The following GOLGA5 variants were observed in gnomAD, a reference collection of about 807,000 sequenced individuals.
GOLGA5 encodes the protein golgin subfamily A member 5.
GOLGA5 carries 50 observed loss-of-function variants against 93.5 expected under a neutral mutation model. The ratio of observed to expected loss-of-function variants is 0.53; its 90% CI spans 0.43 to 0.68. The LOEUF (loss-of-function observed/expected upper bound fraction) is 0.68. Ranked by LOEUF, GOLGA5 falls within the 30% of genes least tolerant of loss-of-function variation. GOLGA5 has a pLI of 0.00. For missense variants in GOLGA5, 760 were observed against 856.4 expected (o/e 0.89, Z 1.40); for synonymous variants, 312 against 304.5 (o/e 1.02, Z -0.26).
intron 3 of GOLGA5, 40 bp downstream of exon 3, chr14:92,807,003 T>C: frequency 7.3e-7 from 1 of 1,373,922 alleles, no homozygotes; most frequent in Non-Finnish European, 1.0e-6. Context: ...ATTTAACTTT[T>C]AAAAATAAAC....
chr14:92,803,835 C>T (rs1190886330), intron 2 of GOLGA5, among the ~76,000 whole-genome samples: 1 of 152,122 alleles, frequency 6.6e-6, no homozygotes, highest in East Asian at 1.9e-4. Context: ...GCACTAAATG[C>T]CTGCTTTTTA....
intron 2 of GOLGA5, among the ~76,000 whole-genome samples, chr14:92,802,006 T>C (rs1336466783): frequency 6.6e-6 from 1 of 152,212 alleles, no homozygotes; most frequent in East Asian, 1.9e-4. Flanking sequence ...TTTTGGCTGT[T>C]CATGGACCTT....
intron 5 of GOLGA5, chr14:92,810,603 T>C (rs1885084682): frequency 3.6e-6 from 1 of 281,298 alleles, no homozygotes; most frequent in African/African-American, 2.2e-5. Flanking sequence ...GCATTAGAGA[T>C]ATACATCTTT....
At chr14:92,824,844 T>C (rs1423115982) in intron 9 of GOLGA5, among the ~76,000 whole-genome samples, 200 bp downstream of exon 9, 3 of 152,236 alleles carry the variant, frequency 2.0e-5, no homozygotes, top group African/African-American at 7.2e-5. Flanking sequence ...ATGATTTGCT[T>C]CTTATAGAAG....
intron 10 of GOLGA5, among the ~76,000 whole-genome samples, chr14:92,834,075 A>G (rs1266323844): frequency 6.6e-6 from 1 of 151,482 alleles, no homozygotes; most frequent in Non-Finnish European, 1.5e-5. Flanking sequence ...TAAGTAAATC[A>G]TACTCCTTAA....
intron 2 of GOLGA5, among the ~76,000 whole-genome samples, chr14:92,798,798 C>A (rs1010498067): frequency 2.0e-5 from 3 of 152,160 alleles, no homozygotes; most frequent in Admixed American, 6.5e-5. Context: ...TGCCTGTAGT[C>A]TCAGCTACTT....
At chr14:92,800,027 T>C (rs1255474312) in intron 2 of GOLGA5, among the ~76,000 whole-genome samples, 4 of 152,222 alleles carry the variant, frequency 2.6e-5, no homozygotes, top group Non-Finnish European at 4.4e-5. Flanking sequence ...AGACAAAAAC[T>C]TGTATAGAAG....
intron 4 of GOLGA5, 149 bp downstream of exon 4, chr14:92,809,668 C>CA (rs1480318053): frequency 1.6e-6 from 1 of 640,376 alleles, no homozygotes; most frequent in African/African-American, 1.8e-5. Context: ...AAAATGGATT[C>CA]ATTGGCTGGG....
intron 2 of GOLGA5, among the ~76,000 whole-genome samples, chr14:92,800,014 T>G (rs750852787): frequency 2.0e-5 from 3 of 152,244 alleles, no homozygotes; most frequent in Non-Finnish European, 4.4e-5. Context: ...TCTTGTATTT[T>G]CAAGACAAAA....
chr14:92,819,089 A>G (rs1407848605), intron 7 of GOLGA5, among the ~76,000 whole-genome samples: 1 of 152,228 alleles, frequency 6.6e-6, no homozygotes, highest in Non-Finnish European at 1.5e-5. Flanking sequence ...GGACTAATGC[A>G]GTGAAGTCCT....
chr14:92,839,940 A>C lies in GOLGA5; in HGVS notation c.*494A>C, dbSNP rs2037136433. On this transcript the variant is annotated 3_prime_UTR_variant, in exon 13 of 13. Coordinates refer to ENST00000163416, the MANE Select transcript of GOLGA5 (RefSeq NM_005113.4). ...TTTATAAATACATAAATAAAAGAAA[A>C]ATATGCATTTTTCTTTTCTAAAATA... The C allele has an allele frequency of 6.0e-6, 1 of 168,052 alleles. No homozygotes were observed. The highest frequency in any genetic ancestry group is 1.3e-5 in the Non-Finnish European group (1 of 77,278). 10.4% of individuals were successfully genotyped at this position (168,052 alleles called of 1,614,324 possible).
chr14:92,804,512 C>CCTG (rs1235821770), intron 2 of GOLGA5, among the ~76,000 whole-genome samples: 18 of 152,244 alleles, frequency 1.2e-4, no homozygotes, highest in Admixed American at 3.9e-4. Context: ...ACTTTCTTCA[C>CCTG]CTGCACCCTC....
chr14:92,803,716 A>C (rs532207794), intron 2 of GOLGA5, among the ~76,000 whole-genome samples: 3 of 152,318 alleles, frequency 2.0e-5, no homozygotes, highest in Admixed American at 6.5e-5. Context: ...ACGCAACCAA[A>C]CATTAGTTAT....
At chr14:92,812,374 T>G (rs1319071136) in intron 6 of GOLGA5, among the ~76,000 whole-genome samples, 1 of 152,212 alleles carries the variant, frequency 6.6e-6, no homozygotes, top group Non-Finnish European at 1.5e-5. Flanking sequence ...GCCTTCTGGC[T>G]CAGCTTACTC....
At position 92,819,836 on chromosome 14, in the gene GOLGA5, G is replaced by T; in HGVS notation, c.1620G>T (p.Gln540His). ...ELETELERLK[Q>H]EFHYIEEDLY... ...AGACAGAACTGGAGCGACTGAAGCA[G>T]GTCAGGATTTGAGATTGATGACTTC... Residue 540 changes from glutamine (Q) to histidine (H), a missense_variant and splice_region_variant, in exon 8 of 13, where the codon CAG (glutamine) becomes CAT (histidine). Transcript: ENST00000163416. 6.2e-7 allele frequency: 1 copy of T among 1,613,642 alleles called. No individual in the cohort carries two copies. Among genetic ancestry groups the T allele is most frequent in the Non-Finnish European group, 8.5e-7 (1 of 1,179,768 alleles).
intron 1 of GOLGA5, 146 bp from the exon 2 acceptor site, chr14:92,797,262 T>G: frequency 1.9e-6 from 1 of 528,902 alleles, no homozygotes. Flanking sequence ...CTCAGCCTCA[T>G]TTAAGTAGTT....
rs1375605459 is a variant in GOLGA5 at position 92,816,519 on chromosome 14, C to CTCGCTTCTCTTCGCTTCGCT, written c.1491+111_1491+130dup. On this transcript the variant is annotated intron_variant, in intron 7 of 12. Transcript: ENST00000163416. ...ACAGCATTACTAAAGCGATAGGTTT[C>CTCGCTTCTCTTCGCTTCGCT]TCGCTTCTCTTCGCTTCGCTTCGCT... 9.7e-5 allele frequency: 88 copies of CTCGCTTCTCTTCGCTTCGCT among 903,914 alleles called. 1 individual carries two copies. The highest frequency in any genetic ancestry group is 1.0e-4 in the Admixed American group (4 of 39,838). The allele number at this position is 903,914 out of a possible 1,614,324, so 56.0% of individuals were successfully genotyped here. A position where few individuals can be genotyped will look rare whatever the true frequency, so the allele number is the denominator to read the frequency against.
intron 2 of GOLGA5, 77 bp from the exon 3 acceptor site, chr14:92,806,659 C>T (rs907047126): frequency 3.2e-6 from 3 of 939,216 alleles, no homozygotes; most frequent in Non-Finnish European, 5.1e-6. Flanking sequence ...TCAACTTGAG[C>T]ATCCTACCAA....
chr14:92,834,913 T>G (rs1380622575), intron 10 of GOLGA5, among the ~76,000 whole-genome samples: 1 of 152,080 alleles, frequency 6.6e-6, no homozygotes, highest in Admixed American at 6.6e-5. Context: ...CTGAGTGGGA[T>G]TGTGAAGGTG....
Sources: gnomAD v4.1 joint callset for allele counts (sites outside exome capture counted in the v4.1 genomes callset) on GRCh38, gnomAD v4.1.1 for gene constraint, MANE v1.5 for transcripts, NCBI Gene and HGNC (gene_info 2026-07-23, HGNC 2026-07-21) for gene names.